ITM2C: variants seen among roughly 807,000 people sequenced by gnomAD.
ITM2C encodes the protein BRICHOS domain containing 2C.
In ITM2C, 20 loss-of-function variants were observed where a neutral mutation model predicts 30.0. The observed-to-expected ratio is 0.67, with a 90% CI of 0.47 to 0.97. The LOEUF (loss-of-function observed/expected upper bound fraction) is 0.97. Ranked by LOEUF, ITM2C falls within the 50% of genes least tolerant of loss-of-function variation. ITM2C has a pLI of 0.00. For synonymous variants in ITM2C, 167 were observed against 156.4 expected (o/e 1.07, Z -0.51); for missense variants, 366 against 371.9 (o/e 0.98, Z 0.13).
intron 2 of ITM2C, among the ~76,000 whole-genome samples, chr2:230,874,767 G>T (rs1257826624): frequency 2.0e-5 from 3 of 152,210 alleles, no homozygotes; most frequent in Non-Finnish European, 2.9e-5. Flanking sequence ...TCCCAAGCAT[G>T]TATCTACAGG....
At chr2:230,867,668 A>ATCTATTTTATTTATTTATTT (rs1553537010) in intron 1 of ITM2C, among the ~76,000 whole-genome samples, 8 of 105,142 alleles carry the variant, frequency 7.6e-5, no homozygotes, top group African/African-American at 2.1e-4. Flanking sequence ...ATTTTATTTT[A>ATCTATTTTATTTATTTATTT]TTTTTTTTTT....
chr2:230,869,027 G>A lies in ITM2C; in HGVS notation c.120+3882G>A, dbSNP rs1337112745. ...AGCAGTCCTTGCATGTTTCAAGACC[G>A]TCAGCAGATTGCCAGTGAGGATGAG... On this transcript the variant is annotated intron_variant, in intron 1 of 5. Transcript: ENST00000326427. Among the ~76,000 whole-genome samples, 7 of 152,344 alleles carry A rather than the reference G, an allele frequency of 4.6e-5. No homozygotes were observed. The East Asian group carries it at 5.8e-4, about 13-fold the overall frequency.
Position 230,877,283 on chromosome 2 carries a change from C to A in ITM2C, c.562-117C>A. The A allele has an allele frequency of 9.7e-7, 1 of 1,027,266 alleles. No individual in the cohort carries two copies. The highest frequency in any genetic ancestry group is 1.5e-6 in the Non-Finnish European group (1 of 689,194). The allele number at this position is 1,027,266 out of a possible 1,614,324, so 63.6% of individuals were successfully genotyped here. On this transcript the variant is annotated intron_variant, in intron 4 of 5. Coordinates refer to ENST00000326427, the MANE Select transcript of ITM2C (RefSeq NM_030926.6). This position sits in a 1 kb window ranked among gnomAD's most constrained non-coding sequence, Gnocchi z 4.8. Reference sequence around the variant, plus strand: ...GGCACAGGCAGGAAGTGCCTGAGGACATCAGAAGGGCCAGCCCAGGGGCCT... The same window carrying A: ...GGCACAGGCAGGAAGTGCCTGAGGAAATCAGAAGGGCCAGCCCAGGGGCCT...
chr2:230,873,261 G>A (rs1207051172), intron 1 of ITM2C, 156 bp from the exon 2 acceptor site: 3 of 611,706 alleles, frequency 4.9e-6, no homozygotes, highest in East Asian at 3.3e-5. Flanking sequence ...GGTGACCCTG[G>A]TGGGCCTTCC....
At chr2:230,872,383 A>C (rs1697188061) in intron 1 of ITM2C, among the ~76,000 whole-genome samples, 1 of 152,178 alleles carries the variant, frequency 6.6e-6, no homozygotes, top group African/African-American at 2.4e-5. Context: ...AGAGACAGGA[A>C]ATTGACCAAG....
intron 1 of ITM2C, among the ~76,000 whole-genome samples, chr2:230,872,776 C>A (rs1217891692): frequency 6.6e-6 from 1 of 152,160 alleles, no homozygotes; most frequent in Non-Finnish European, 1.5e-5. Context: ...ATGCCCAGAC[C>A]CCATGGGGCT....
rs1697279410 is a variant in ITM2C, at chr2:230,875,772, CG to C, written c.416del (p.Gly139ValfsTer14). The C allele has an allele frequency of 3.7e-6, 6 of 1,601,804 alleles. No individual in the cohort carries two copies. Among genetic ancestry groups the C allele is most frequent in the Non-Finnish European group, 5.1e-6 (6 of 1,177,170 alleles). ...ACGTGCCTGTGCCCCAGTTTGGCGG[CG>C]GTGACCCTGCAGACATCATCCATGA... ...INVPVPQFGGGDPADIIHDFQ... is the reference protein window; with the variant it reads ...INVPVPQFGGXDPADIIHDFQ... On this transcript the variant is annotated frameshift_variant, in exon 3 of 6. Transcript: ENST00000326427. LOFTEE classifies it high-confidence loss of function.
At position 230,875,689 on chromosome 2, in the gene ITM2C, C is replaced by T; in HGVS notation, c.331C>T (p.Gln111Ter). 2 of 1,613,864 alleles carry T rather than the reference C, an allele frequency of 1.2e-6. No individual in the cohort carries two copies. The highest frequency in any genetic ancestry group is 1.1e-5 in the South Asian group (1 of 91,062). Residue 111 changes from glutamine to a stop codon, truncating the protein, a stop_gained, in exon 3 of 6, where the codon CAG becomes TAG. Coordinates refer to ENST00000326427, the MANE Select transcript of ITM2C (RefSeq NM_030926.6). LOFTEE classifies it high-confidence loss of function. ...EDSLSSQVRT[Q>*]MELEEDVKIY... is the part of the protein sequence containing the mutation. ...CTCCCTGTCCTCCCAGGTCCGGACT[C>T]AGATGGAGCTGGAAGAGGATGTGAA...
At chr2:230,868,497 A>G (rs892067090) in intron 1 of ITM2C, among the ~76,000 whole-genome samples, 3 of 147,692 alleles carry the variant, frequency 2.0e-5, no homozygotes, top group Non-Finnish European at 4.5e-5. Flanking sequence ...ATGCACACAC[A>G]TGCACGCACA....
At position 230,877,364 on chromosome 2, in the gene ITM2C, G is replaced by A; in HGVS notation, c.562-36G>A. The A allele has an allele frequency of 3.1e-6, 5 of 1,607,630 alleles. No homozygotes were observed. Among genetic ancestry groups the A allele is most frequent in the Non-Finnish European group, 4.3e-6 (5 of 1,175,800 alleles). On this transcript the variant is annotated intron_variant, in intron 4 of 5. Transcript: ENST00000326427. The surrounding 1 kb of genome is among the most constrained non-coding windows in gnomAD (Gnocchi z 4.8). ...GCGAGGGGTTGGACGAAAGCCTGAGGGGCCGACTCACTGTGGCGGCCACCT... is the reference window on the plus strand; with the variant it reads ...GCGAGGGGTTGGACGAAAGCCTGAGAGGCCGACTCACTGTGGCGGCCACCT...
At chr2:230,870,670 C>T (rs1247618916) in intron 1 of ITM2C, among the ~76,000 whole-genome samples, 2 of 152,230 alleles carry the variant, frequency 1.3e-5, no homozygotes, top group African/African-American at 4.8e-5. Flanking sequence ...TCTCTAACCT[C>T]CCTCGGTGGG....
chr2:230,875,906 C>T (rs1697284993), intron 3 of ITM2C, 98 bp downstream of exon 3: 7 of 999,014 alleles, frequency 7.0e-6, no homozygotes, highest in Non-Finnish European at 1.0e-5. Context: ...CGGAGTACAG[C>T]AGGTGTCTAC....
At chr2:230,868,275 G>A (rs1053157846) in intron 1 of ITM2C, among the ~76,000 whole-genome samples, 3 of 152,124 alleles carry the variant, frequency 2.0e-5, no homozygotes, top group Admixed American at 6.5e-5. Flanking sequence ...CTGGTGTTTT[G>A]ACTCTGAGAT....
Position 230,877,607 on chromosome 2 carries a change from T to A in ITM2C, c.712+57T>A. 2.5e-6 allele frequency: 4 copies of A among 1,580,558 alleles called. No individual in the cohort carries two copies. The highest frequency in any genetic ancestry group is 3.5e-6 in the Non-Finnish European group (4 of 1,155,086). The stretch of plus-strand genomic sequence containing the variant: ...TGTCCCGTGCCCCAGACCACAGTTA[T>A]CTTCACGCCTAGCCCAGCTGTCAGA... On this transcript the variant is annotated intron_variant, in intron 5 of 5. Coordinates refer to ENST00000326427, the MANE Select transcript of ITM2C (RefSeq NM_030926.6). This position sits in a 1 kb window ranked among gnomAD's most constrained non-coding sequence, Gnocchi z 4.8.
At chr2:230,868,992 C>T (rs1480167707) in intron 1 of ITM2C, among the ~76,000 whole-genome samples, 3 of 152,266 alleles carry the variant, frequency 2.0e-5, no homozygotes. Context: ...CATTTCTGCT[C>T]TCTTCTCTCA....
intron 1 of ITM2C, among the ~76,000 whole-genome samples, chr2:230,869,354 C>G (rs1697107536): frequency 6.6e-6 from 1 of 152,176 alleles, no homozygotes; most frequent in Non-Finnish European, 1.5e-5. Flanking sequence ...GGCATCTGTG[C>G]CTCTGGACCA....
intron 2 of ITM2C, among the ~76,000 whole-genome samples, chr2:230,875,199 G>A (rs1697261473): frequency 6.6e-6 from 1 of 152,172 alleles, no homozygotes; most frequent in Admixed American, 6.5e-5. Flanking sequence ...CTCTGTGGAG[G>A]GCACGGAGGT....
intron 1 of ITM2C, among the ~76,000 whole-genome samples, chr2:230,872,286 T>G (rs974346336): frequency 6.6e-6 from 1 of 152,134 alleles, no homozygotes; most frequent in Admixed American, 6.5e-5. Context: ...TGGTGAACAT[T>G]GGAGGCAGAG....
rs909094275 is a variant in ITM2C, at chr2:230,878,587, A to C, written c.*488A>C. 3 of 153,172 alleles carry C rather than the reference A, an allele frequency of 2.0e-5. No individual in the cohort carries two copies. The highest frequency in any genetic ancestry group is 4.4e-5 in the Non-Finnish European group (3 of 68,438). 9.5% of individuals were successfully genotyped at this position (153,172 alleles called of 1,614,324 possible). ...ATTCCTAGACCTGGGGCTTGAGCTG[A>C]GGATGGGACGATGTGCCCAGGGAGG... On this transcript the variant is annotated 3_prime_UTR_variant, in exon 6 of 6. Transcript: ENST00000326427. The surrounding 1 kb of genome is among the most constrained non-coding windows in gnomAD (Gnocchi z 4.5).
Sources: gnomAD v4.1 joint callset for allele counts (sites outside exome capture counted in the v4.1 genomes callset) on GRCh38, gnomAD v4.1.1 for gene constraint, Gnocchi (gnomAD v3.1) non-coding constraint, MANE v1.5 for transcripts, NCBI Gene and HGNC (gene_info 2026-07-23, HGNC 2026-07-21) for gene names.